CLIC5: variants seen among roughly 807,000 people sequenced by gnomAD.
The protein encoded by CLIC5 is chloride intracellular channel protein 5.
A neutral mutation model predicts 24.7 loss-of-function variants in CLIC5; 20 were observed. That is an observed-to-expected ratio of 0.81 (90% CI 0.57 to 1.18). The LOEUF (loss-of-function observed/expected upper bound fraction) is 1.18, where lower values mean the gene tolerates loss of function less well. Among genes scored for constraint, CLIC5 ranks in the 50% most tolerant of loss-of-function variants. The pLI, the probability that CLIC5 is intolerant of heterozygous loss-of-function variation, is 0.00. For synonymous variants in CLIC5, 159 were observed against 135.6 expected, an observed-to-expected ratio of 1.17 and a Z score of -1.20; for missense variants, 341 against 326.1, an observed-to-expected ratio of 1.05 and a Z score of -0.35.
At chr6:45,952,198 G>A (rs1230408585) in intron 2 of CLIC5, among the ~76,000 whole-genome samples, 2 of 152,148 alleles carry the variant, frequency 1.3e-5, no homozygotes, top group African/African-American at 2.4e-5. Flanking sequence ...ACGCCCTTGG[G>A]AAGTACTGCC....
chr6:46,040,600 TTGA>T (rs796873398), intron 1 of CLIC5, among the ~76,000 whole-genome samples: 9 of 151,766 alleles, frequency 5.9e-5, no homozygotes, highest in East Asian at 1.9e-4. Context: ...GTTCGTGAAG[TTGA>T]TGATGGTGGT....
intron 1 of CLIC5, among the ~76,000 whole-genome samples, chr6:45,959,644 A>T (rs1764783077): frequency 6.7e-6 from 1 of 149,972 alleles, no homozygotes; most frequent in Non-Finnish European, 1.5e-5. Flanking sequence ...GCTGAAGCAA[A>T]TACTGACAAA....
chr6:45,974,497 G>GTGTGTATA (rs1192750031), intron 1 of CLIC5, among the ~76,000 whole-genome samples: 1 of 76,172 alleles, frequency 1.3e-5, no homozygotes. Context: ...GTGTGTGTGT[G>GTGTGTATA]TATATATATA....
intron 1 of CLIC5, among the ~76,000 whole-genome samples, chr6:46,010,922 C>A (rs377214529): frequency 6.6e-6 from 1 of 152,150 alleles, no homozygotes; most frequent in Non-Finnish European, 1.5e-5. Context: ...CTTAGGCAAG[C>A]GGCCCAAGGT....
intron 1 of CLIC5, among the ~76,000 whole-genome samples, chr6:45,968,223 C>T (rs1765080700): frequency 6.6e-6 from 1 of 152,196 alleles, no homozygotes; most frequent in South Asian, 2.1e-4. Context: ...CACTCTTGGC[C>T]AGCATGCCTC....
At chr6:46,048,723 A>C (rs1366052345) in intron 1 of CLIC5, among the ~76,000 whole-genome samples, 1 of 152,094 alleles carries the variant, frequency 6.6e-6, no homozygotes, top group African/African-American at 2.4e-5. Flanking sequence ...GGCAATGGAC[A>C]CAATTCAATA....
intron 1 of CLIC5, among the ~76,000 whole-genome samples, chr6:46,013,624 C>T (rs548961222): frequency 7.2e-5 from 11 of 152,258 alleles, no homozygotes; most frequent in East Asian, 3.9e-4. Context: ...ATTTGGGGAA[C>T]GCTGCAAATT....
rs553822822 is a variant in CLIC5, at chr6:45,993,160, A to G, written c.63+22320T>C. 1.5e-3 allele frequency among the ~76,000 whole-genome samples: 231 copies of G among 152,330 alleles called. 2 individuals are homozygous for G. The highest frequency in any genetic ancestry group is 0.01 in the Middle Eastern group (3 of 294). ...CATGACCTGTTTTCCAAATCTTCAGAGATGGGGGAGATTTTATAAGGCCAT... is the reference window on the plus strand; with the variant it reads ...CATGACCTGTTTTCCAAATCTTCAGGGATGGGGGAGATTTTATAAGGCCAT... On this transcript the variant is annotated intron_variant, in intron 1 of 5. Transcript: ENST00000339561.
At chr6:46,125,770 A>C in the CLIC5 span, among the ~76,000 whole-genome samples, 1 of 152,122 alleles carries the variant, frequency 6.6e-6, no homozygotes, top group Non-Finnish European at 1.5e-5. Context: ...CTTTACAGTG[A>C]CAATGATGGC....
intron 1 of CLIC5, among the ~76,000 whole-genome samples, chr6:46,052,673 C>G (rs1042108474): frequency 6.6e-6 from 1 of 152,118 alleles, no homozygotes; most frequent in Non-Finnish European, 1.5e-5. Flanking sequence ...GAAATTCTAT[C>G]CTAGAACAAC....
At chr6:46,092,342 T>C in the CLIC5 span, among the ~76,000 whole-genome samples, 1 of 152,246 alleles carries the variant, frequency 6.6e-6, no homozygotes, top group South Asian at 2.1e-4. Flanking sequence ...AAGAACAAGA[T>C]AAGCATTTTT....
intron 1 of CLIC5, among the ~76,000 whole-genome samples, chr6:45,972,775 G>A (rs1174590022): frequency 6.6e-6 from 1 of 152,160 alleles, no homozygotes; most frequent in Non-Finnish European, 1.5e-5. Context: ...AGCAACAATC[G>A]GAAGACCTTT....
intron 1 of CLIC5, among the ~76,000 whole-genome samples, chr6:45,992,798 G>A (rs1765988994): frequency 6.6e-6 from 1 of 152,166 alleles, no homozygotes; most frequent in East Asian, 1.9e-4. Context: ...AGGGCTGTAT[G>A]TATATATTTA....
intron 1 of CLIC5, among the ~76,000 whole-genome samples, chr6:45,966,418 T>G (rs891543199): frequency 1.3e-5 from 2 of 152,170 alleles, no homozygotes; most frequent in Non-Finnish European, 2.9e-5. Flanking sequence ...TCCCTCAATG[T>G]TCTCGAGGTG....
chr6:46,126,809 G>A, the CLIC5 span, among the ~76,000 whole-genome samples: 37 of 152,268 alleles, frequency 2.4e-4, 1 homozygote, highest in Non-Finnish European at 4.0e-4. Flanking sequence ...GGAAGCGTGT[G>A]GCTTTTGCTC....
At chr6:45,974,157 A>G (rs996705635) in intron 1 of CLIC5, among the ~76,000 whole-genome samples, 2 of 151,814 alleles carry the variant, frequency 1.3e-5, no homozygotes, top group African/African-American at 2.4e-5. Flanking sequence ...GAGAGGAGAA[A>G]TATATATAGT....
rs780778831 is a variant in CLIC5, at chr6:45,909,867, C to G, written c.588+4361G>C. 5.9e-5 allele frequency among the ~76,000 whole-genome samples: 9 copies of G among 152,178 alleles called. No individual in the cohort carries two copies. The South Asian group carries it at 1.9e-3, about 32-fold the overall frequency. ...CAGAGAGGGCCCTAGACCATTGACC[C>G]TGGGATCCTCCCATTCAGAGAAGCC... On this transcript the variant is annotated intron_variant, in intron 5 of 5. Transcript: ENST00000339561.
At chr6:45,885,758 C>T (rs1468957035) in intron 6 of CLIC5, among the ~76,000 whole-genome samples, 2 of 152,168 alleles carry the variant, frequency 1.3e-5, no homozygotes, top group Non-Finnish European at 2.9e-5. Context: ...GCTAAGGGAA[C>T]ACTGGGCTTT....
chr6:46,093,082 C>T, the CLIC5 span, among the ~76,000 whole-genome samples: 1 of 152,092 alleles, frequency 6.6e-6, no homozygotes, highest in African/African-American at 2.4e-5. Flanking sequence ...CTTTTTCCTC[C>T]CCATCTACTG....
Sources: gnomAD v4.1 joint callset for allele counts (sites outside exome capture counted in the v4.1 genomes callset) on GRCh38, gnomAD v4.1.1 for gene constraint, MANE v1.5 for transcripts, NCBI Gene and HGNC (gene_info 2026-07-23, HGNC 2026-07-21) for gene names.